The following LAP3 variants were observed in gnomAD, a reference collection of about 807,000 sequenced individuals.
LAP3 encodes the protein leucine aminopeptidase 3.
LAP3 carries 46 observed loss-of-function variants against 58.8 expected under a neutral mutation model. The ratio of observed to expected loss-of-function variants is 0.78; its 90% CI spans 0.62 to 1.00. The LOEUF (loss-of-function observed/expected upper bound fraction) is 1.00. Ranked by LOEUF, LAP3 falls within the 50% of genes least tolerant of loss-of-function variation. The probability of loss-of-function intolerance (pLI) is 0.00; values close to 1 mark genes in which losing one functional copy is unlikely to be tolerated. For synonymous variants in LAP3, 257 were observed against 237.7 expected, an observed-to-expected ratio of 1.08 and a Z score of -0.75; for missense variants, 615 against 659.1, an observed-to-expected ratio of 0.93 and a Z score of 0.73.
At chr4:17,585,261 T>G (rs181748654) in intron 6 of LAP3, 125 bp downstream of exon 6, 20 of 699,390 alleles carry the variant, frequency 2.9e-5, no homozygotes, top group Non-Finnish European at 4.4e-5. Context: ...ATGACCCACT[T>G]GGGTCCACAT....
At chr4:17,601,326 A>C (rs1228441830) in intron 10 of LAP3, among the ~76,000 whole-genome samples, 1 of 152,210 alleles carries the variant, frequency 6.6e-6, no homozygotes, top group Admixed American at 6.5e-5. Context: ...CTATTTAGCT[A>C]TATAATAAAA....
chr4:17,591,087 T>G (rs1470316706), intron 7 of LAP3, among the ~76,000 whole-genome samples: 3 of 147,900 alleles, frequency 2.0e-5, no homozygotes, highest in South Asian at 4.3e-4. Context: ...TGTTTTGTTT[T>G]GTTTTTTGAG....
In LAP3 at chr4:17,606,960, T is replaced by C. The variant is rs201775250; in HGVS notation, c.1370+22T>C. 3 of 1,442,046 alleles carry C rather than the reference T, an allele frequency of 2.1e-6. No homozygotes were observed. In the East Asian group the frequency reaches 6.8e-5, roughly 33 times the overall value. The allele number at this position is 1,442,046 out of a possible 1,614,324, so 89.3% of individuals were successfully genotyped here. On this transcript the variant is annotated intron_variant, in intron 12 of 12. Transcript: ENST00000226299. ...ACAGGTATGTAAGCTAAGCTAAATGTACATTTATACAATCATCCTTGATTG... is the reference window on the plus strand; with the variant it reads ...ACAGGTATGTAAGCTAAGCTAAATGCACATTTATACAATCATCCTTGATTG...
intron 7 of LAP3, 68 bp downstream of exon 7, chr4:17,589,045 A>G (rs1423296496): frequency 2.0e-6 from 3 of 1,491,242 alleles, no homozygotes; most frequent in East Asian, 2.3e-5. Context: ...TTACTTGGTT[A>G]TAGGGTTTTT....
intron 10 of LAP3, among the ~76,000 whole-genome samples, chr4:17,602,845 C>T (rs746925415): frequency 7.2e-5 from 11 of 151,960 alleles, no homozygotes; most frequent in East Asian, 4.0e-4. Context: ...CCACCACACT[C>T]GGATTTTTGT....
Position 17,588,816 on chromosome 4 carries a change from T to C in LAP3, c.705-3T>C, listed in dbSNP as rs6854266. ...TTACTTTTTCCCTCTTTCTACCCTA[T>C]AGACCCAAGTCTTGGATTGAGGAAC... On this transcript the variant is annotated splice_polypyrimidine_tract_variant and splice_region_variant and intron_variant, in intron 6 of 12. Transcript: ENST00000226299. 0.013 allele frequency: 20,742 copies of C among 1,613,064 alleles called. 2,159 individuals carry two copies. The African/African-American group carries it at 0.24, about 19-fold the overall frequency.
In LAP3 at chr4:17,604,586, A is replaced by G. The variant is rs775547709; in HGVS notation, c.1181-2A>G. On this transcript the variant is annotated splice_acceptor_variant, in intron 10 of 12. Transcript: ENST00000226299. LOFTEE classifies it high-confidence loss of function. ...CGTGACCTGAGGGCTTGTGTCTTAC[A>G]GGTGCCATGGATGTAGCTTTGGGAT... 8 of 1,613,644 alleles carry G rather than the reference A, an allele frequency of 5.0e-6. No individual in the cohort carries two copies. In the East Asian group the frequency reaches 1.8e-4, roughly 36 times the overall value.
chr4:17,605,569 G>A (rs902912431), intron 11 of LAP3, among the ~76,000 whole-genome samples: 4 of 98,116 alleles, frequency 4.1e-5, no homozygotes, highest in Admixed American at 1.2e-4. Context: ...AACATAAAAT[G>A]TCCCCAAATA....
At chr4:17,603,548 A>G (rs2109024265) in intron 10 of LAP3, among the ~76,000 whole-genome samples, 1 of 149,636 alleles carries the variant, frequency 6.7e-6, no homozygotes, top group African/African-American at 2.5e-5. Context: ...CTTGTTGCTC[A>G]GGCTGGAGTG....
rs1043379481 is a variant in LAP3 at position 17,588,937 on chromosome 4, C to A, written c.823C>A (p.Pro275Thr). 3.7e-6 allele frequency: 6 copies of A among 1,614,114 alleles called. No homozygotes were observed. The highest frequency in any genetic ancestry group is 5.1e-6 in the Non-Finnish European group (6 of 1,180,020). The part of the protein sequence containing the change: ...HYKGSPNANE[P>T]PLVFVGKGIT... Reference sequence around the variant, plus strand: ...CAAAGGCAGCCCCAATGCAAACGAACCACCCCTGGTGTTTGTTGGGAAAGG... The same window carrying A: ...CAAAGGCAGCCCCAATGCAAACGAAACACCCCTGGTGTTTGTTGGGAAAGG... Residue 275 changes from proline (P) to threonine (T), a missense_variant, in exon 7 of 13, where the codon CCA (proline) becomes ACA (threonine). Pro to Thr is a conservative substitution (Grantham distance 38, BLOSUM62 -1). Coordinates refer to ENST00000226299, the MANE Select transcript of LAP3 (RefSeq NM_015907.3).
Position 17,583,491 on chromosome 4 carries a change from A to C in LAP3, c.388A>C (p.Arg130=), listed in dbSNP as rs1220620699. 2 of 1,613,664 alleles carry C rather than the reference A, an allele frequency of 1.2e-6. No homozygotes were observed. Among genetic ancestry groups the C allele is most frequent in the East Asian group, 2.2e-5 (1 of 44,888 alleles). The stretch of plus-strand genomic sequence containing the variant: ...TCCTCTGTCTTTTCAAGCGGGGTGC[A>C]GGCAGATTCAAGACCTGGAGCTCTC... The part of the protein sequence containing the change: ...NIRAAVAAGC[R]QIQDLELSSV... The change falls in exon 5 of 13, where the codon AGG becomes CGG. Residue 130 remains arginine (R), a synonymous_variant. Coordinates refer to ENST00000226299, the MANE Select transcript of LAP3 (RefSeq NM_015907.3).
At chr4:17,580,234 G>A (rs1713324358) in intron 2 of LAP3, among the ~76,000 whole-genome samples, 2 of 102,786 alleles carry the variant, frequency 1.9e-5, no homozygotes, top group Admixed American at 1.1e-4. Flanking sequence ...TGGCCAGGCT[G>A]GTGTTGAATC....
intron 10 of LAP3, among the ~76,000 whole-genome samples, chr4:17,604,270 C>CAAAAAAAA (rs1188734524): frequency 2.0e-5 from 1 of 51,104 alleles, no homozygotes; most frequent in South Asian, 8.1e-4. Context: ...AGACCTTTCT[C>CAAAAAAAA]AAAAAAAAAA....
chr4:17,578,377 G>A (rs1713268164), intron 1 of LAP3, among the ~76,000 whole-genome samples: 1 of 152,200 alleles, frequency 6.6e-6, no homozygotes, highest in Non-Finnish European at 1.5e-5. Context: ...GATTCCCGGG[G>A]AGTGAACAAT....
At position 17,582,270 on chromosome 4, in the gene LAP3, G is replaced by C; in HGVS notation, c.274-18G>C. ...TTGAAAGAAATAAAGTGGTTGATTT[G>C]GTGTATCTGTGGGACAGGACTTCCC... is the stretch of plus-strand genomic sequence containing the variant. On this transcript the variant is annotated intron_variant, in intron 3 of 12. Transcript: ENST00000226299. 2 of 1,595,138 alleles carry C rather than the reference G, an allele frequency of 1.3e-6. No homozygotes were observed. Among genetic ancestry groups the C allele is most frequent in the Non-Finnish European group, 1.7e-6 (2 of 1,163,274 alleles).
At chr4:17,579,020 C>G (rs1713282818) in intron 1 of LAP3, among the ~76,000 whole-genome samples, 1 of 152,160 alleles carries the variant, frequency 6.6e-6, no homozygotes, top group African/African-American at 2.4e-5. Flanking sequence ...GATGTATTAA[C>G]AAGAGAAAAG....
At chr4:17,578,635 A>T (rs1409117410) in intron 1 of LAP3, among the ~76,000 whole-genome samples, 1 of 152,214 alleles carries the variant, frequency 6.6e-6, no homozygotes, top group East Asian at 1.9e-4. Flanking sequence ...CACCTCACAG[A>T]GTTGCCATGA....
At chr4:17,585,322 T>A in intron 6 of LAP3, 186 bp downstream of exon 6, 1 of 537,082 alleles carries the variant, frequency 1.9e-6, no homozygotes, top group Non-Finnish European at 3.3e-6. Context: ...TTTCCTTGCC[T>A]TTGAGAGAGA....
chr4:17,600,262 G>T (rs1713949203), intron 10 of LAP3, among the ~76,000 whole-genome samples: 1 of 152,030 alleles, frequency 6.6e-6, no homozygotes, highest in Non-Finnish European at 1.5e-5. Flanking sequence ...CAGAAATCAT[G>T]TTCCCTTTTG....
Sources: gnomAD v4.1 joint callset for allele counts (sites outside exome capture counted in the v4.1 genomes callset) on GRCh38, gnomAD v4.1.1 for gene constraint, MANE v1.5 for transcripts, NCBI Gene and HGNC (gene_info 2026-07-23, HGNC 2026-07-21) for gene names.